Variants in MYO16 observed in about 807,000 individuals in gnomAD.
MYO16 encodes the protein unconventional myosin-XVI.
MYO16 carries 94 observed loss-of-function variants against 205.3 expected under a neutral mutation model. The ratio of observed to expected loss-of-function variants is 0.46; its 90% CI spans 0.39 to 0.54. MYO16 has a LOEUF of 0.54. Among genes scored for constraint, MYO16 ranks in the 20% least tolerant of loss-of-function variants. MYO16 has a pLI of 0.00. For synonymous variants in MYO16, 988 were observed against 954.0 expected, an observed-to-expected ratio of 1.04 and a Z score of -0.66; for missense variants, 2,315 against 2,387.5, an observed-to-expected ratio of 0.97 and a Z score of 0.63.
chr13:109,078,549 G>A (rs1477865118), intron 27 of MYO16, among the ~76,000 whole-genome samples: 2 of 152,070 alleles, frequency 1.3e-5, no homozygotes, highest in South Asian at 2.1e-4. Context: ...ATTAATTTTT[G>A]TCTTTATTAT....
chr13:109,113,943 G>A (rs1875536714), intron 28 of MYO16, among the ~76,000 whole-genome samples: 1 of 152,196 alleles, frequency 6.6e-6, no homozygotes, highest in African/African-American at 2.4e-5. Context: ...GGGCTCCATA[G>A]GTATGGACTC....
At chr13:109,169,254 G>A (rs1253302773) in intron 33 of MYO16, among the ~76,000 whole-genome samples, 6 of 152,138 alleles carry the variant, frequency 3.9e-5, no homozygotes, top group South Asian at 2.1e-4. Flanking sequence ...GAACAAATAC[G>A]ATGAGTGTTA....
chr13:108,871,945 A>C (rs954238988), intron 12 of MYO16, among the ~76,000 whole-genome samples: 3 of 152,134 alleles, frequency 2.0e-5, no homozygotes, highest in African/African-American at 7.2e-5. Context: ...TGGTTAGGAG[A>C]ATTTGACTGA....
At chr13:108,548,569 GATA>G in the MYO16 span, among the ~76,000 whole-genome samples, 3 of 151,004 alleles carry the variant, frequency 2.0e-5, no homozygotes, top group African/African-American at 4.9e-5. Flanking sequence ...GGTTGAGGAG[GATA>G]ATAATGATGG....
At chr13:109,112,423 TAAATC>T (rs940163489) in intron 28 of MYO16, among the ~76,000 whole-genome samples, 11 of 152,308 alleles carry the variant, frequency 7.2e-5, no homozygotes, top group East Asian at 1.9e-4. Context: ...TTTAATAAAA[TAAATC>T]AAATAGTTTA....
At chr13:108,989,037 C>T (rs1041153949) in intron 20 of MYO16, among the ~76,000 whole-genome samples, 8 of 152,110 alleles carry the variant, frequency 5.3e-5, no homozygotes, top group African/African-American at 1.9e-4. Context: ...ATTTTCTCTA[C>T]AAAATTAGAA....
chr13:108,886,587 G>T (rs1298696070), intron 13 of MYO16: 12 of 434,008 alleles, frequency 2.8e-5, no homozygotes, highest in Non-Finnish European at 4.2e-5. Context: ...ACTGCTGGCG[G>T]CTCCACCCCC....
chr13:109,201,565 G>C (rs1044928920), intron 34 of MYO16: 20 of 138,704 alleles, frequency 1.4e-4, no homozygotes, highest in African/African-American at 4.9e-4. Context: ...CCTCATTTTT[G>C]TTTGTCCAAG....
chr13:109,015,919 G>A (rs1034899826), intron 22 of MYO16, among the ~76,000 whole-genome samples: 7 of 152,018 alleles, frequency 4.6e-5, no homozygotes, highest in African/African-American at 1.2e-4. Flanking sequence ...CCAGCTCCTG[G>A]ATTCACTGAT....
chr13:108,593,664 G>A (rs536684332), upstream of MYO16, among the ~76,000 whole-genome samples: 2 of 152,266 alleles, frequency 1.3e-5, no homozygotes, highest in East Asian at 3.9e-4. Flanking sequence ...CTGAGGATAT[G>A]GATACATTTA....
At chr13:108,644,298 T>C (rs78486674) in intron 1 of MYO16, among the ~76,000 whole-genome samples, 8,996 of 152,136 alleles carry the variant, frequency 0.059, 629 homozygotes, top group East Asian at 0.18. Context: ...ACCACTCCAC[T>C]CCCTTTCCAG....
intron 18 of MYO16, among the ~76,000 whole-genome samples, chr13:108,961,898 G>A (rs1883599157): frequency 6.6e-6 from 1 of 152,114 alleles, no homozygotes; most frequent in Non-Finnish European, 1.5e-5. Flanking sequence ...TGATTCTTTA[G>A]CACATACTTG....
At chr13:109,057,138 T>A (rs1002896658) in intron 27 of MYO16, among the ~76,000 whole-genome samples, 2 of 152,178 alleles carry the variant, frequency 1.3e-5, no homozygotes, top group Non-Finnish European at 2.9e-5. Flanking sequence ...TGACTAAAAT[T>A]CTGTGTTTAA....
the MYO16 span, among the ~76,000 whole-genome samples, chr13:108,582,265 T>G: frequency 6.6e-6 from 1 of 152,196 alleles, no homozygotes. Context: ...GAGCTGGATG[T>G]TGAAACACCA....
At chr13:108,894,700 A>C (rs1040895814) in intron 14 of MYO16, among the ~76,000 whole-genome samples, 2 of 152,210 alleles carry the variant, frequency 1.3e-5, no homozygotes, top group African/African-American at 4.8e-5. Flanking sequence ...AAAAGCCTGC[A>C]TGAGCTCACC....
At chr13:108,894,429 G>T (rs1464569382) in intron 14 of MYO16, among the ~76,000 whole-genome samples, 2 of 152,092 alleles carry the variant, frequency 1.3e-5, no homozygotes, top group Non-Finnish European at 2.9e-5. Flanking sequence ...TGGAGTATGG[G>T]AAGCCAGAGA....
chr13:108,898,686 CA>C (rs1880560531), intron 15 of MYO16, among the ~76,000 whole-genome samples: 1 of 151,900 alleles, frequency 6.6e-6, no homozygotes. Flanking sequence ...ATCTAAACAT[CA>C]AAATAATTGC....
chr13:108,584,915 C>G, the MYO16 span, among the ~76,000 whole-genome samples: 7 of 152,194 alleles, frequency 4.6e-5, no homozygotes, highest in East Asian at 1.4e-3. Context: ...TATAATTTAT[C>G]AATATGATTA....
chr13:108,939,545 A>G (rs1006382621), intron 16 of MYO16, among the ~76,000 whole-genome samples: 2 of 152,142 alleles, frequency 1.3e-5, no homozygotes, highest in African/African-American at 4.8e-5. Context: ...CTTCTGTACT[A>G]TCTTGCTATT....
Sources: gnomAD v4.1 joint callset for allele counts (sites outside exome capture counted in the v4.1 genomes callset) on GRCh38, gnomAD v4.1.1 for gene constraint, MANE v1.5 for transcripts, NCBI Gene and HGNC (gene_info 2026-07-23, HGNC 2026-07-21) for gene names.